Variants in EXOC2 observed in about 807,000 individuals in gnomAD.
EXOC2 encodes the protein exocyst complex component 2, also known as SEC5-like 1.
EXOC2 carries 70 observed loss-of-function variants against 131.8 expected under a neutral mutation model. That is an observed-to-expected ratio of 0.53 (90% CI 0.44 to 0.65). EXOC2 has a LOEUF of 0.65. Among genes scored for constraint, EXOC2 ranks in the 30% least tolerant of loss-of-function variants. The pLI, the probability that EXOC2 is intolerant of heterozygous loss-of-function variation, is 0.00. For missense variants in EXOC2, 923 were observed against 1,108.6 expected (o/e 0.83, Z 2.38); for synonymous variants, 411 against 398.4 (o/e 1.03, Z -0.38).
At chr6:656,546 G>C (rs201117840) in intron 1 of EXOC2, 1 of 1,600,032 alleles carries the variant, frequency 6.2e-7, no homozygotes, top group East Asian at 2.2e-5. Context: ...GCACCCGCAC[G>C]GGCAGATCGT....
chr6:494,230 T>G (rs551998386), intron 25 of EXOC2, among the ~76,000 whole-genome samples: 2 of 152,340 alleles, frequency 1.3e-5, no homozygotes, highest in African/African-American at 4.8e-5. Flanking sequence ...ACAAGTGCTC[T>G]CTGCTCTTTT....
chr6:571,188 ATAAC>A (rs538565835), intron 13 of EXOC2, among the ~76,000 whole-genome samples: 135 of 152,380 alleles, frequency 8.9e-4, no homozygotes, highest in Non-Finnish European at 1.3e-3. Flanking sequence ...GAGTTCATAC[ATAAC>A]TAACAAAGAA....
At chr6:531,591 T>G (rs1005876816) in intron 23 of EXOC2, among the ~76,000 whole-genome samples, 3 of 152,250 alleles carry the variant, frequency 2.0e-5, no homozygotes, top group Non-Finnish European at 4.4e-5. Context: ...ACCAAAGGTG[T>G]TTAAACAGTA....
At chr6:602,641 C>G (rs1283568661) in intron 7 of EXOC2, among the ~76,000 whole-genome samples, 1 of 152,252 alleles carries the variant, frequency 6.6e-6, no homozygotes. Flanking sequence ...CTCTATTTGC[C>G]AGCCTTGGGC....
chr6:630,101 G>T, intron 3 of EXOC2, 140 bp from the exon 4 acceptor site: 2 of 1,069,034 alleles, frequency 1.9e-6, no homozygotes, highest in Non-Finnish European at 2.5e-6. Context: ...GGACATAACA[G>T]CTAAATTTTT....
intron 1 of EXOC2, among the ~76,000 whole-genome samples, chr6:657,449 T>C (rs1369590338): frequency 2.0e-5 from 3 of 151,398 alleles, no homozygotes; most frequent in African/African-American, 7.3e-5. Context: ...CTTTCCATGC[T>C]GGTGAAACAA....
intron 23 of EXOC2, among the ~76,000 whole-genome samples, chr6:531,747 C>T (rs184304385): frequency 4.6e-5 from 7 of 152,298 alleles, no homozygotes; most frequent in African/African-American, 1.7e-4. Flanking sequence ...CATGAAGAAC[C>T]CGTGTCCGAT....
intron 23 of EXOC2, among the ~76,000 whole-genome samples, chr6:518,216 C>T (rs948104129): frequency 4.6e-5 from 7 of 152,130 alleles, no homozygotes; most frequent in African/African-American, 1.4e-4. Flanking sequence ...ATGAAATGAT[C>T]GAATATCTGG....
chr6:672,414 C>T (rs572143853), intron 1 of EXOC2, among the ~76,000 whole-genome samples: 2 of 152,204 alleles, frequency 1.3e-5, no homozygotes, highest in Non-Finnish European at 2.9e-5. Context: ...CTCCACCATA[C>T]CTGAATCTGG....
At chr6:615,738 A>AG (rs1491431062) in intron 6 of EXOC2, among the ~76,000 whole-genome samples, 1 of 151,760 alleles carries the variant, frequency 6.6e-6, no homozygotes, top group African/African-American at 2.4e-5. Flanking sequence ...AAAAAAAAAA[A>AG]AGAAAAACCA....
At chr6:541,486 G>A (rs1428054423) in intron 22 of EXOC2, among the ~76,000 whole-genome samples, 1 of 152,076 alleles carries the variant, frequency 6.6e-6, no homozygotes, top group Non-Finnish European at 1.5e-5. Flanking sequence ...GTTATTCTCT[G>A]AAAAAGACTC....
chr6:686,258 G>A (rs899017104), intron 1 of EXOC2, among the ~76,000 whole-genome samples: 5 of 152,030 alleles, frequency 3.3e-5, no homozygotes, highest in East Asian at 1.9e-4. Context: ...CGCCGCGCCC[G>A]GCCTCCTGGA....
chr6:580,048 G>GT (rs11373096), intron 11 of EXOC2, among the ~76,000 whole-genome samples: 41,778 of 146,648 alleles, frequency 0.28, 6,208 homozygotes, highest in East Asian at 0.48. Context: ...AGTTTTTTTT[G>GT]TTTTTTTTTT....
chr6:659,781 C>A (rs1763328870), intron 1 of EXOC2, among the ~76,000 whole-genome samples: 1 of 152,186 alleles, frequency 6.6e-6, no homozygotes. Flanking sequence ...GCCTGAGGAG[C>A]AGGGGGTACA....
intron 22 of EXOC2, among the ~76,000 whole-genome samples, chr6:542,784 G>A (rs913324389): frequency 6.6e-6 from 1 of 152,188 alleles, no homozygotes; most frequent in Non-Finnish European, 1.5e-5. Context: ...TATATGAAAT[G>A]TTCAAGTAAA....
chr6:624,096 AT>A (rs1761432023), intron 4 of EXOC2, among the ~76,000 whole-genome samples: 1 of 152,250 alleles, frequency 6.6e-6, no homozygotes, highest in Non-Finnish European at 1.5e-5. Flanking sequence ...ATTGCAAAAT[AT>A]ATGCCTAAAT....
intron 9 of EXOC2, 29 bp from the exon 10 acceptor site, chr6:598,152 T>C (rs961972147): frequency 6.5e-7 from 1 of 1,538,084 alleles, no homozygotes; most frequent in Non-Finnish European, 8.9e-7. Context: ...ATACACAAGA[T>C]TTACAGAATG....
At chr6:606,291 T>C (rs997690805) in intron 7 of EXOC2, among the ~76,000 whole-genome samples, 3 of 152,066 alleles carry the variant, frequency 2.0e-5, no homozygotes, top group African/African-American at 7.3e-5. Context: ...GGGGAAGGGA[T>C]AGCATTAGGA....
intron 13 of EXOC2, among the ~76,000 whole-genome samples, chr6:567,666 GTGT>G (rs1025750793): frequency 3.9e-5 from 6 of 152,024 alleles, no homozygotes; most frequent in African/African-American, 1.2e-4. Context: ...TGTACATGAT[GTGT>G]TGTGTGTCTG....
Sources: allele counts gnomAD v4.1 joint callset (sites outside exome capture counted in the v4.1 genomes callset), GRCh38; gene constraint gnomAD v4.1.1; transcripts MANE v1.5; gene names NCBI Gene and HGNC (gene_info 2026-07-23, HGNC 2026-07-21).